RARS1: variants seen among roughly 807,000 people sequenced by gnomAD.
RARS1 encodes the protein arginyl-tRNA synthetase 1, also known as arginine--tRNA ligase, cytoplasmic.
A neutral mutation model predicts 78.7 loss-of-function variants in RARS1; 75 were observed. The ratio of observed to expected loss-of-function variants is 0.95; its 90% confidence interval spans 0.79 to 1.15. The LOEUF is 1.15. RARS1 is among the 50% of genes most tolerant of loss of function. The pLI is 0.00. For missense variants in RARS1, 787 were observed against 787.5 expected (o/e 1.00, Z 0.01); for synonymous variants, 273 against 268.2 (o/e 1.02, Z -0.18).
chr5:168,506,733 C>A lies in RARS1; in HGVS notation c.1248C>A (p.Phe416Leu), dbSNP rs1394248705. 2 of 1,611,914 alleles carry A rather than the reference C, an allele frequency of 1.2e-6. No individual in the cohort carries two copies. The highest frequency in any genetic ancestry group is 1.7e-6 in the Non-Finnish European group (2 of 1,178,394). Residue 416 changes from phenylalanine (F) to leucine (L), a missense_variant, in exon 11 of 15, where the codon TTC becomes TTA. Coordinates refer to ENST00000231572, the MANE Select transcript of RARS1 (RefSeq NM_002887.4). The part of the protein sequence containing the change: ...YVVDNGQSVH[F>L]QTIFAAAQMI... The stretch of plus-strand genomic sequence containing the variant: ...CGTTTCTGTTGTAGTCTGTGCACTT[C>A]CAGACAATATTTGCTGCTGCTCAAA...
chr5:168,513,693 AT>A, intron 12 of RARS1, among the ~76,000 whole-genome samples: 1 of 151,544 alleles, frequency 6.6e-6, no homozygotes, highest in East Asian at 1.9e-4. Context: ...TCTTTTGCCC[AT>A]TTATCATTAT....
intron 8 of RARS1, among the ~76,000 whole-genome samples, chr5:168,501,728 A>G (rs1336694033): frequency 1.8e-5 from 2 of 108,710 alleles, no homozygotes; most frequent in East Asian, 8.4e-4. Flanking sequence ...ATCTCAAAAA[A>G]TAATAATAAA....
At chr5:168,496,345 C>T (rs1582430243) in intron 6 of RARS1, among the ~76,000 whole-genome samples, 1 of 146,308 alleles carries the variant, frequency 6.8e-6, no homozygotes, top group Non-Finnish European at 1.5e-5. Flanking sequence ...TGCCACTGCA[C>T]TCCAGCCTGG....
intron 13 of RARS1, 42 bp downstream of exon 13, chr5:168,516,992 A>G (rs761849087): frequency 6.4e-7 from 1 of 1,558,618 alleles, no homozygotes; most frequent in South Asian, 1.2e-5. Flanking sequence ...ATCAAATGAA[A>G]GCATATTTAG....
rs747048125 is a variant in RARS1 at position 168,488,641 on chromosome 5, T to C, written c.85T>C (p.Leu29=). The part of the protein sequence containing the change: ...IKSLTAEIDR[L]KNCGCLGASP... ...ATCTCTGACTGCTGAAATTGACCGGTTGAAAAACTGTGGCTGTTTAGGAGC... is the reference window on the plus strand; with the variant it reads ...ATCTCTGACTGCTGAAATTGACCGGCTGAAAAACTGTGGCTGTTTAGGAGC... The change falls in exon 2 of 15, where the codon TTG becomes CTG. Residue 29 remains leucine (L), a synonymous_variant. Transcript: ENST00000231572. The C allele has an allele frequency of 4.3e-6, 7 of 1,610,748 alleles. No individual in the cohort carries two copies. Among genetic ancestry groups the C allele is most frequent in the Admixed American group, 3.4e-5 (2 of 59,068 alleles).
chr5:168,502,615 A>G (rs1758354805), intron 9 of RARS1, among the ~76,000 whole-genome samples: 1 of 133,184 alleles, frequency 7.5e-6, no homozygotes, highest in African/African-American at 2.9e-5. Context: ...TCTGTCGCCT[A>G]GGCTGGAGTG....
At chr5:168,514,354 A>C (rs79283789) in intron 12 of RARS1, among the ~76,000 whole-genome samples, 1,654 of 151,770 alleles carry the variant, frequency 0.011, 14 homozygotes, top group Middle Eastern at 0.017. Context: ...ATATGTTAGA[A>C]CTTTGTATCT....
rs764058570 is a variant in RARS1 at position 168,518,040 on chromosome 5, T to G, written c.1851T>G (p.Cys617Trp). 6.5e-6 allele frequency: 10 copies of G among 1,544,128 alleles called. No homozygotes were observed. The highest frequency in any genetic ancestry group is 8.8e-6 in the Non-Finnish European group (10 of 1,141,472). ...CAGAGTTCTATGATAGCTGCTACTG[T>G]GTGGAGAAAGATAGACAGACTGGTG... ...AFTEFYDSCY[C>W]VEKDRQTGKI... Residue 617 changes from cysteine (C) to tryptophan (W), a missense_variant, in exon 14 of 15, where the codon TGT (cysteine) becomes TGG (tryptophan). By Grantham distance (215) the Cys-to-Trp change is radical. Coordinates refer to ENST00000231572, the MANE Select transcript of RARS1 (RefSeq NM_002887.4).
At chr5:168,491,487 T>G (rs1758082076) in intron 2 of RARS1, among the ~76,000 whole-genome samples, 1 of 152,204 alleles carries the variant, frequency 6.6e-6, no homozygotes. Flanking sequence ...AGGAGTCAAT[T>G]ATTGATTAGC....
At chr5:168,516,218 T>C (rs1758663911) in intron 12 of RARS1, among the ~76,000 whole-genome samples, 1 of 152,146 alleles carries the variant, frequency 6.6e-6, no homozygotes, top group Non-Finnish European at 1.5e-5. Context: ...TTGCTTTTGG[T>C]AGAATGGTTA....
chr5:168,516,986 A>C (rs776431801), intron 13 of RARS1, 36 bp downstream of exon 13: 1 of 1,579,828 alleles, frequency 6.3e-7, no homozygotes, highest in South Asian at 1.1e-5. Flanking sequence ...TTGTGAATCA[A>C]ATGAAAGCAT....
chr5:168,514,628 A>G (rs1166703169), intron 12 of RARS1, among the ~76,000 whole-genome samples: 1 of 152,214 alleles, frequency 6.6e-6, no homozygotes, highest in East Asian at 1.9e-4. Flanking sequence ...ATCCCCAGAT[A>G]CTAATATCTT....
At chr5:168,499,119 A>C (rs1174516655) in intron 7 of RARS1, among the ~76,000 whole-genome samples, 1 of 152,080 alleles carries the variant, frequency 6.6e-6, no homozygotes, top group Non-Finnish European at 1.5e-5. Context: ...GGAGTTCAAG[A>C]CCAGCCTGGA....
intron 11 of RARS1, among the ~76,000 whole-genome samples, chr5:168,510,258 T>G (rs1402984197): frequency 1.3e-5 from 2 of 152,240 alleles, no homozygotes; most frequent in African/African-American, 4.8e-5. Context: ...CTTCTTTCTC[T>G]GTTAGGAAAC....
At chr5:168,502,128 T>C (rs1361236022) in intron 9 of RARS1, 23 bp downstream of exon 9, 5 of 1,573,200 alleles carry the variant, frequency 3.2e-6, no homozygotes, top group Non-Finnish European at 4.3e-6. Context: ...CTTTTAACTT[T>C]TTATTATGGA....
chr5:168,515,732 C>T (rs72836362), intron 12 of RARS1, among the ~76,000 whole-genome samples: 19,832 of 152,236 alleles, frequency 0.13, 1,727 homozygotes, highest in Non-Finnish European at 0.19. Flanking sequence ...ACTTCAATGG[C>T]GTGTGTGCTA....
At chr5:168,516,153 G>T (rs372625328) in intron 12 of RARS1, among the ~76,000 whole-genome samples, 2 of 152,144 alleles carry the variant, frequency 1.3e-5, no homozygotes, top group East Asian at 3.8e-4. Context: ...TTGTGTTGAT[G>T]CTCTCTAGTG....
chr5:168,505,386 T>A (rs4976618), intron 9 of RARS1, among the ~76,000 whole-genome samples: 19,818 of 152,232 alleles, frequency 0.13, 1,724 homozygotes, highest in Non-Finnish European at 0.19. Context: ...TTTTTCTTCC[T>A]ACTTCTCATT....
chr5:168,493,182 G>A, intron 3 of RARS1: 1 of 177,810 alleles, frequency 5.6e-6, no homozygotes, highest in South Asian at 1.6e-4. Flanking sequence ...CCATTTACCA[G>A]TCAGCATCCC....
Sources: gnomAD v4.1 joint callset for allele counts (sites outside exome capture counted in the v4.1 genomes callset) on GRCh38, gnomAD v4.1.1 for gene constraint, MANE v1.5 for transcripts, NCBI Gene and HGNC (gene_info 2026-07-23, HGNC 2026-07-21) for gene names.